The following SPMIP2 variants were observed in gnomAD, a reference collection of about 807,000 sequenced individuals.
The protein encoded by SPMIP2 is protein SPMIP2.
chr4:158,999,528 T>C, the SPMIP2 span, among the ~76,000 whole-genome samples: 2 of 152,232 alleles, frequency 1.3e-5, no homozygotes, highest in South Asian at 2.1e-4. Context: ...GTAAACCTGC[T>C]ATCTGGATTA....
At chr4:159,004,858 T>TTTTG in the SPMIP2 span, among the ~76,000 whole-genome samples, 8 of 152,138 alleles carry the variant, frequency 5.3e-5, no homozygotes, top group Non-Finnish European at 1.0e-4. Flanking sequence ...TCAAGAGTGG[T>TTTTG]TTTGTTTGTT....
the SPMIP2 span, among the ~76,000 whole-genome samples, chr4:158,953,932 T>C: frequency 3.3e-5 from 5 of 152,320 alleles, no homozygotes; most frequent in South Asian, 4.1e-4. Flanking sequence ...TCACATTGTA[T>C]TGAGGAAGTA....
the SPMIP2 span, among the ~76,000 whole-genome samples, chr4:159,009,555 T>C: frequency 6.6e-6 from 1 of 152,190 alleles, no homozygotes; most frequent in Non-Finnish European, 1.5e-5. Context: ...AAATTGCAAT[T>C]TATATATTCC....
chr4:158,977,253 T>A, the SPMIP2 span, among the ~76,000 whole-genome samples: 38 of 152,306 alleles, frequency 2.5e-4, no homozygotes, highest in East Asian at 7.7e-4. Context: ...AGGCTATTAA[T>A]TACTACCTCA....
the SPMIP2 span, chr4:158,909,443 T>C: frequency 1.3e-5 from 2 of 152,096 alleles, no homozygotes; most frequent in Non-Finnish European, 2.9e-5. Context: ...AATCATGCCA[T>C]TGATAAAAGG....
At chr4:158,899,090 A>G in the SPMIP2 span, among the ~76,000 whole-genome samples, 1 of 152,122 alleles carries the variant, frequency 6.6e-6, no homozygotes, top group Non-Finnish European at 1.5e-5. Context: ...TTCTGCATCT[A>G]TTGAGATGAG....
chr4:158,957,593 GTT>G, the SPMIP2 span, among the ~76,000 whole-genome samples: 1 of 152,062 alleles, frequency 6.6e-6, no homozygotes, highest in African/African-American at 2.4e-5. Flanking sequence ...CGCCTGGCTA[GTT>G]TTTGTATTAT....
the SPMIP2 span, among the ~76,000 whole-genome samples, chr4:158,897,603 C>CT: frequency 5.6e-4 from 86 of 152,274 alleles, no homozygotes; most frequent in Non-Finnish European, 8.4e-4. Flanking sequence ...TGATGATGAG[C>CT]TTTTTTTCAT....
chr4:158,904,409 T>C, the SPMIP2 span: 1 of 1,408,428 alleles, frequency 7.1e-7, no homozygotes, highest in Non-Finnish European at 1.0e-6. Context: ...GAAATAATAC[T>C]TTCTCATAAA....
At chr4:158,920,224 T>C in the SPMIP2 span, among the ~76,000 whole-genome samples, 1 of 152,200 alleles carries the variant, frequency 6.6e-6, no homozygotes, top group African/African-American at 2.4e-5. Flanking sequence ...ACTGTGATAA[T>C]TGTGTTAACT....
At chr4:158,893,842 A>C in the SPMIP2 span, 7 of 627,888 alleles carry the variant, frequency 1.1e-5, no homozygotes, top group Non-Finnish European at 1.9e-5. Context: ...CAAAGCAATA[A>C]ATTGTTATAG....
the SPMIP2 span, among the ~76,000 whole-genome samples, chr4:158,988,530 C>T: frequency 6.6e-6 from 1 of 152,132 alleles, no homozygotes; most frequent in African/African-American, 2.4e-5. Context: ...CATCAAAAAT[C>T]TCATCCACCA....
the SPMIP2 span, among the ~76,000 whole-genome samples, chr4:158,922,380 G>A: frequency 6.6e-6 from 1 of 152,058 alleles, no homozygotes. Flanking sequence ...GCCACTCTGG[G>A]GCAGAAAATC....
At chr4:159,014,832 C>A in the SPMIP2 span, among the ~76,000 whole-genome samples, 1 of 151,872 alleles carries the variant, frequency 6.6e-6, no homozygotes, top group African/African-American at 2.4e-5. Context: ...AAAAAAAATT[C>A]AAAAACATTT....
the SPMIP2 span, among the ~76,000 whole-genome samples, chr4:158,922,911 C>A: frequency 1.2e-4 from 19 of 152,074 alleles, no homozygotes; most frequent in African/African-American, 3.9e-4. Context: ...TACTTCATTC[C>A]TTTTTATGAC....
At chr4:159,022,849 T>G in the SPMIP2 span, among the ~76,000 whole-genome samples, 6,926 of 151,738 alleles carry the variant, frequency 0.046, 482 homozygotes, top group African/African-American at 0.16. Context: ...GGCCAACATG[T>G]TGAAACCCCG....
At chr4:158,945,926 T>C in the SPMIP2 span, among the ~76,000 whole-genome samples, 1 of 152,212 alleles carries the variant, frequency 6.6e-6, no homozygotes, top group Non-Finnish European at 1.5e-5. Flanking sequence ...TAATTTGCAG[T>C]CCATGCTTTG....
chr4:158,926,179 T>G, the SPMIP2 span, among the ~76,000 whole-genome samples: 1 of 152,222 alleles, frequency 6.6e-6, no homozygotes, highest in Non-Finnish European at 1.5e-5. Flanking sequence ...ATTGCTTTTC[T>G]ATTCTTTATC....
chr4:159,036,661 C>T, the SPMIP2 span, among the ~76,000 whole-genome samples: 2 of 152,190 alleles, frequency 1.3e-5, no homozygotes, highest in Non-Finnish European at 2.9e-5. Context: ...GAGTGCTTCT[C>T]ATTTTAACCA....
Sources: allele counts gnomAD v4.1 joint callset (sites outside exome capture counted in the v4.1 genomes callset), GRCh38; gene constraint gnomAD v4.1.1; transcripts MANE v1.5; gene names NCBI Gene and HGNC (gene_info 2026-07-23, HGNC 2026-07-21).